Variants in C15orf39 observed in about 807,000 individuals in gnomAD.
The protein encoded by C15orf39 is PRMT2 interacting protein.
Under a neutral mutation model 53.9 loss-of-function variants are expected in C15orf39, and 24 were observed. The observed-to-expected ratio is 0.45, with a 90% confidence interval of 0.32 to 0.63. C15orf39 has a LOEUF of 0.63. Among genes scored for constraint, C15orf39 ranks in the 20% least tolerant of loss-of-function variants. The probability of loss-of-function intolerance (pLI) is 0.04; values close to 1 mark genes in which losing one functional copy is unlikely to be tolerated. For synonymous variants in C15orf39, 569 were observed against 576.5 expected (o/e 0.99, Z 0.19); for missense variants, 1,271 against 1,347.9 (o/e 0.94, Z 0.89).
At chr15:75,205,683 G>A (rs1323692495) in intron 1 of C15orf39, among the ~76,000 whole-genome samples, 2 of 152,218 alleles carry the variant, frequency 1.3e-5, no homozygotes, top group Middle Eastern at 3.4e-3. Context: ...TGAGCCGGGT[G>A]TGGTAGCAGG....
chr15:75,211,123 T>C lies in C15orf39; in HGVS notation c.*7T>C. 1.3e-6 allele frequency: 2 copies of C among 1,590,284 alleles called. No homozygotes were observed. The highest frequency in any genetic ancestry group is 8.5e-7 in the Non-Finnish European group (1 of 1,174,526). On this transcript the variant is annotated 3_prime_UTR_variant, in exon 3 of 3. Transcript: ENST00000394987. ...CCAGAGCCATCACCTGTAGCACTGG[T>C]TGCCAGTGCTGTGTGTATAGCAGTC... is the stretch of plus-strand genomic sequence containing the variant.
chr15:75,208,265 G>A lies in C15orf39; in HGVS notation c.2217G>A (p.Arg739=), dbSNP rs2070456395. ...PARAQAPASA[R]DPAPAPAPVA... is the part of the protein sequence containing the mutation. ...GAGCTCAGGCTCCAGCTTCAGCCCG[G>A]GATCCAGCTCCAGCTCCAGCTCCAG... Residue 739 remains arginine, a synonymous_variant, in exon 2 of 3, where the codon CGG becomes CGA. Coordinates refer to ENST00000394987, the MANE Select transcript of C15orf39 (RefSeq NM_015492.5). 2 of 1,590,732 alleles carry A rather than the reference G, an allele frequency of 1.3e-6. No homozygotes were observed. The highest frequency in any genetic ancestry group is 2.2e-5 in the South Asian group (2 of 89,394).
rs1031154182 is a variant in C15orf39 at position 75,201,925 on chromosome 15, C to T, written c.-185C>T. The T allele has an allele frequency of 1.3e-5, 2 of 152,044 alleles. No homozygotes were observed. The highest frequency in any genetic ancestry group is 4.8e-5 in the African/African-American group (2 of 41,544). 9.4% of individuals were successfully genotyped at this position (152,044 alleles called of 1,614,324 possible). The stretch of plus-strand genomic sequence containing the variant: ...GCGCGAACGGCAGCTAGGAGGGTTG[C>T]TCCGGGCTTGGTGCTCACTGCGACT... On this transcript the variant is annotated 5_prime_UTR_variant, in exon 1 of 3. Coordinates refer to ENST00000394987, the MANE Select transcript of C15orf39 (RefSeq NM_015492.5). The surrounding 1 kb of genome is among the most constrained non-coding windows in gnomAD (Gnocchi z 4.7).
chr15:75,211,285 T>C lies in C15orf39; in HGVS notation c.*169T>C, dbSNP rs902407698. 17 of 857,952 alleles carry C rather than the reference T, an allele frequency of 2.0e-5. No individual in the cohort carries two copies. The highest frequency in any genetic ancestry group is 2.6e-5 in the Non-Finnish European group (15 of 581,698). The allele number at this position is 857,952 out of a possible 1,614,324, so 53.1% of individuals were successfully genotyped here. A position where few individuals can be genotyped will look rare whatever the true frequency, so the allele number is the denominator to read the frequency against. Reference sequence around the variant, plus strand: ...GGGTGGGCTGAAGAGCCCCTGAGCTTTTAACGTGAGGGTCTTTATTGGATA... The same window carrying C: ...GGGTGGGCTGAAGAGCCCCTGAGCTCTTAACGTGAGGGTCTTTATTGGATA... On this transcript the variant is annotated 3_prime_UTR_variant, in exon 3 of 3. Transcript: ENST00000394987.
chr15:75,203,730 C>G (rs574913268), intron 1 of C15orf39, among the ~76,000 whole-genome samples: 18 of 152,206 alleles, frequency 1.2e-4, no homozygotes, highest in Non-Finnish European at 2.1e-4. Flanking sequence ...CCAGCAGACC[C>G]CAAGAAGCAT....
At position 75,207,109 on chromosome 15, in the gene C15orf39, C is replaced by T. The variant is rs775635495; in HGVS notation, c.1061C>T (p.Ser354Phe). ...PYPSAPLPAP[S>F]PGLKLEPPLT... ...CCCTCTGCCCCTCTCCCAGCACCCTCTCCAGGCCTCAAGCTGGAGCCGCCT... is the reference window on the plus strand; with the variant it reads ...CCCTCTGCCCCTCTCCCAGCACCCTTTCCAGGCCTCAAGCTGGAGCCGCCT... The change falls in exon 2 of 3, where the codon TCT becomes TTT. Residue 354 changes from serine (S) to phenylalanine (F), a missense_variant. Around this residue, in one of 2 missense-constraint regions of C15orf39, gnomAD observed 994 missense variants for 993.7 expected, o/e 1.00. Coordinates refer to ENST00000394987, the MANE Select transcript of C15orf39 (RefSeq NM_015492.5). 1.2e-5 allele frequency: 20 copies of T among 1,613,524 alleles called. No homozygotes were observed. The highest frequency in any genetic ancestry group is 5.5e-5 in the South Asian group (5 of 91,072).
In C15orf39 at chr15:75,206,541, C is replaced by T. The variant is rs754575222; in HGVS notation, c.493C>T (p.Pro165Ser). ...LDVDWTLATG[P>S]LLPSADPPCS... ...TGTTGACTGGACTCTGGCGACTGGGCCCCTGTTGCCCTCAGCTGACCCACC... is the reference window on the plus strand; with the variant it reads ...TGTTGACTGGACTCTGGCGACTGGGTCCCTGTTGCCCTCAGCTGACCCACC... The change falls in exon 2 of 3, where the codon CCC (proline) becomes TCC (serine). Residue 165 changes from proline (P) to serine (S), a missense_variant. Transcript: ENST00000394987. 6.2e-7 allele frequency: 1 copy of T among 1,613,962 alleles called. No individual in the cohort carries two copies. Among genetic ancestry groups the T allele is most frequent in the South Asian group, 1.1e-5 (1 of 91,064 alleles).
Position 75,207,130 on chromosome 15 carries a change from C to T in C15orf39, c.1082C>T (p.Pro361Leu), listed in dbSNP as rs767959489. 9.7e-5 allele frequency: 156 copies of T among 1,613,650 alleles called. No homozygotes were observed. The highest frequency in any genetic ancestry group is 2.5e-4 in the Admixed American group (15 of 59,994). The change falls in exon 2 of 3, where the codon CCG becomes CTG. Residue 361 changes from proline (P) to leucine (L), a missense_variant. Around this residue, in one of 2 missense-constraint regions of C15orf39, gnomAD observed 994 missense variants for 993.7 expected, o/e 1.00. Transcript: ENST00000394987. ...CCCTCTCCAGGCCTCAAGCTGGAGCCGCCTCTCACTCCACGGTGCCCATTG... is the reference window on the plus strand; with the variant it reads ...CCCTCTCCAGGCCTCAAGCTGGAGCTGCCTCTCACTCCACGGTGCCCATTG... ...PAPSPGLKLE[P>L]PLTPRCPLDF...
Position 75,206,460 on chromosome 15 carries a change from CTG to C in C15orf39, c.415_416del (p.Cys139LeufsTer19), listed in dbSNP as rs2070439167. ...ACCCAAACCTGTCTACCGCAACCCT[CTG>C]TGCTATGGGCTCTCAACTTGTCTGG... is the stretch of plus-strand genomic sequence containing the variant. ...AAPKPVYRNP[L>X]CYGLSTCLGE... On this transcript the variant is annotated frameshift_variant, in exon 2 of 3. Transcript: ENST00000394987. LOFTEE classifies it high-confidence loss of function. The C allele has an allele frequency of 1.2e-6, 2 of 1,613,974 alleles. No individual in the cohort carries two copies. Among genetic ancestry groups the C allele is most frequent in the Non-Finnish European group, 1.7e-6 (2 of 1,179,994 alleles).
At chr15:75,202,377 C>T (rs1471626243) in intron 1 of C15orf39, 3 of 152,386 alleles carry the variant, frequency 2.0e-5, no homozygotes, top group Admixed American at 1.3e-4. Flanking sequence ...CCTCCGGCCT[C>T]CCGCAGGACC....
chr15:75,207,189 G>A lies in C15orf39; in HGVS notation c.1141G>A (p.Ala381Thr), dbSNP rs2070446648. 12 of 1,613,734 alleles carry A rather than the reference G, an allele frequency of 7.4e-6. No individual in the cohort carries two copies. Among genetic ancestry groups the A allele is most frequent in the Non-Finnish European group, 1.0e-5 (12 of 1,179,988 alleles). The change falls in exon 2 of 3, where the codon GCC becomes ACC. Residue 381 changes from alanine to threonine, a missense_variant. This residue lies in a region of C15orf39 where 994 missense variants were observed against 993.7 expected (regional missense o/e 1.00). Transcript: ENST00000394987. ...CCCCCAGACACTGAGTTTTCCTTAT[G>A]CCCGGGATGACCTCTCTCTCTATGG... is the stretch of plus-strand genomic sequence containing the variant. The part of the protein sequence containing the change: ...FAPQTLSFPY[A>T]RDDLSLYGAS...
At chr15:75,204,073 G>A (rs1449864887) in intron 1 of C15orf39, among the ~76,000 whole-genome samples, 3 of 152,192 alleles carry the variant, frequency 2.0e-5, no homozygotes, top group African/African-American at 7.2e-5. Context: ...CCCAAAATGT[G>A]CCGGTCTAAC....
rs1271893768 is a variant in C15orf39, at chr15:75,206,537, T to G, written c.489T>G (p.Thr163=). The G allele has an allele frequency of 2.5e-6, 4 of 1,613,882 alleles. No individual in the cohort carries two copies. Among genetic ancestry groups the G allele is most frequent in the African/African-American group, 1.3e-5 (1 of 74,890 alleles). The change falls in exon 2 of 3, where the codon ACT becomes ACG. Residue 163 remains threonine, a synonymous_variant. Transcript: ENST00000394987. ...RPLDVDWTLA[T]GPLLPSADPP... ...TGGATGTTGACTGGACTCTGGCGACTGGGCCCCTGTTGCCCTCAGCTGACC... is the reference window on the plus strand; with the variant it reads ...TGGATGTTGACTGGACTCTGGCGACGGGGCCCCTGTTGCCCTCAGCTGACC...
At chr15:75,204,391 C>T (rs960008572) in intron 1 of C15orf39, among the ~76,000 whole-genome samples, 5 of 152,246 alleles carry the variant, frequency 3.3e-5, no homozygotes, top group Non-Finnish European at 1.5e-5. Context: ...TTTTTCAGCA[C>T]ATAGTTTTTC....
Position 75,210,818 on chromosome 15 carries a change from G to C in C15orf39, c.2846G>C (p.Ser949Thr). 6.2e-7 allele frequency: 1 copy of C among 1,613,910 alleles called. No homozygotes were observed. Among genetic ancestry groups the C allele is most frequent in the Middle Eastern group, 1.6e-4 (1 of 6,062 alleles). The change falls in exon 3 of 3, where the codon AGC (serine) becomes ACC (threonine). Residue 949 changes from serine to threonine, a missense_variant. By Grantham distance (58) the Ser-to-Thr change is moderately conservative. This residue lies in a region of C15orf39 where 277 missense variants were observed against 354.1 expected (regional missense o/e 0.78). Coordinates refer to ENST00000394987, the MANE Select transcript of C15orf39 (RefSeq NM_015492.5). Reference protein sequence around the residue: ...EPTVARGEPESLALAQKSPAP... With the variant: ...EPTVARGEPETLALAQKSPAP... ...ACTGTGGCCAGAGGTGAGCCAGAGAGCCTAGCCCTGGCTCAGAAGTCACCG... is the reference window on the plus strand; with the variant it reads ...ACTGTGGCCAGAGGTGAGCCAGAGACCCTAGCCCTGGCTCAGAAGTCACCG...
In C15orf39 at chr15:75,208,811, A is replaced by G; in HGVS notation, c.2763A>G (p.Val921=). Residue 921 remains valine (V), a synonymous_variant, in exon 2 of 3, where the codon GTA becomes GTG. Transcript: ENST00000394987. ...DLLGLQWRDC[V]RRQLGDFDTE... ...TCGGCCTGCAGTGGCGCGACTGTGT[A>G]CGCCGCCAGCTGGGTGAGCATGGGG... The G allele has an allele frequency of 6.3e-7, 1 of 1,598,466 alleles. No individual in the cohort carries two copies. The highest frequency in any genetic ancestry group is 8.5e-7 in the Non-Finnish European group (1 of 1,174,270).
rs757968007 is a variant in C15orf39 at position 75,207,257 on chromosome 15, T to C, written c.1209T>C (p.Asn403=). The change falls in exon 2 of 3, where the codon AAT becomes AAC. Residue 403 remains asparagine, a synonymous_variant. Transcript: ENST00000394987. The part of the protein sequence containing the change: ...GLGGTPPSQN[N]VRAVPQPGAF... ...GAGGGACACCACCTTCCCAGAACAA[T>C]GTGCGGGCTGTGCCACAGCCTGGTG... 1 of 1,613,344 alleles carries C rather than the reference T, an allele frequency of 6.2e-7. No homozygotes were observed. The highest frequency in any genetic ancestry group is 8.5e-7 in the Non-Finnish European group (1 of 1,179,892).
At chr15:75,205,367 C>T (rs1397173801) in intron 1 of C15orf39, among the ~76,000 whole-genome samples, 2 of 152,080 alleles carry the variant, frequency 1.3e-5, no homozygotes, top group African/African-American at 4.8e-5. Context: ...TCAAGTGACC[C>T]TGAGACCCAG....
upstream of C15orf39, chr15:75,199,008 G>A (rs2070386923): frequency 6.6e-6 from 1 of 152,226 alleles, no homozygotes; most frequent in Non-Finnish European, 1.5e-5. Context: ...TTGGCCTTAG[G>A]TTCCCTGCCT....
Sources: allele counts gnomAD v4.1 joint callset (sites outside exome capture counted in the v4.1 genomes callset), GRCh38; gene constraint gnomAD v4.1.1; regional missense constraint gnomAD v4.1.1; non-coding constraint Gnocchi (gnomAD v3.1); transcripts MANE v1.5; gene names NCBI Gene and HGNC (gene_info 2026-07-23, HGNC 2026-07-21).